The following SERHL2 variants were observed in gnomAD, a reference collection of about 807,000 sequenced individuals.
The protein encoded by SERHL2 is serine hydrolase-like protein 2.
SERHL2 carries 29 observed loss-of-function variants against 25.5 expected under a neutral mutation model. The observed-to-expected ratio is 1.14, with a 90% CI of 0.85 to 1.55. The LOEUF (loss-of-function observed/expected upper bound fraction) is 1.55. SERHL2 is among the 40% of genes most tolerant of loss of function. The pLI is 0.00. For missense variants in SERHL2, 240 were observed against 252.3 expected, an observed-to-expected ratio of 0.95 and a Z score of 0.33; for synonymous variants, 95 against 103.5, an observed-to-expected ratio of 0.92 and a Z score of 0.50.
Position 42,572,679 on chromosome 22 carries a change from T to G in SERHL2, c.825+150T>G, listed in dbSNP as rs933021185. 236 of 1,415,950 alleles carry G rather than the reference T, an allele frequency of 1.7e-4. 2 individuals carry two copies. Among genetic ancestry groups the G allele is most frequent in the Middle Eastern group, 7.8e-4 (3 of 3,826 alleles). 87.7% of individuals were successfully genotyped at this position (1,415,950 alleles called of 1,614,324 possible). On this transcript the variant is annotated intron_variant, in intron 11 of 11. Transcript: ENST00000327678. Reference sequence around the variant, plus strand: ...GGATCTATCAGGCCTCATGCTCCACTGTGGTCAGTCCCTAGAGGCCTAGGG... The same window carrying G: ...GGATCTATCAGGCCTCATGCTCCACGGTGGTCAGTCCCTAGAGGCCTAGGG...
At chr22:42,566,590 CAT>C (rs1348026910) in intron 9 of SERHL2, among the ~76,000 whole-genome samples, 1 of 151,464 alleles carries the variant, frequency 6.6e-6, no homozygotes, top group African/African-American at 2.4e-5. Flanking sequence ...ATATAGCTAA[CAT>C]AATACTTAAT....
chr22:42,562,050 G>A (rs1175301216), intron 8 of SERHL2, among the ~76,000 whole-genome samples: 2 of 151,768 alleles, frequency 1.3e-5, no homozygotes. Flanking sequence ...AAGAGGGAGG[G>A]CTGAGAAAGA....
At chr22:42,573,615 CATT>C (rs1415156824) in intron 11 of SERHL2, 1 of 303,558 alleles carries the variant, frequency 3.3e-6, no homozygotes, top group East Asian at 8.2e-5. Flanking sequence ...GCCCCCATCT[CATT>C]ATCTTTTCTC....
intron 9 of SERHL2, among the ~76,000 whole-genome samples, chr22:42,566,665 TGAG>T (rs1923435704): frequency 6.6e-6 from 1 of 151,026 alleles, no homozygotes; most frequent in Non-Finnish European, 1.5e-5. Flanking sequence ...TCGATGGAGG[TGAG>T]GAGAGGAGGG....
intron 9 of SERHL2, among the ~76,000 whole-genome samples, chr22:42,568,242 T>C (rs1601851427): frequency 6.6e-6 from 1 of 151,904 alleles, no homozygotes; most frequent in East Asian, 1.9e-4. Context: ...AGGCTGGTCT[T>C]GAATGCCTGG....
In SERHL2 at chr22:42,572,591, C is replaced by T. The variant is rs192274851; in HGVS notation, c.825+62C>T. On this transcript the variant is annotated intron_variant, in intron 11 of 11. Coordinates refer to ENST00000327678, the MANE Select transcript of SERHL2 (RefSeq NM_014509.5). ...GTCGCCCACTCTGGTCCCACCTCACCCATCTCTTCTCATGCACTGGGAAGA... is the reference window on the plus strand; with the variant it reads ...GTCGCCCACTCTGGTCCCACCTCACTCATCTCTTCTCATGCACTGGGAAGA... The T allele has an allele frequency of 6.5e-4, 1,025 of 1,586,212 alleles. 9 individuals carry two copies. In the Middle Eastern group the frequency reaches 8.4e-3, roughly 13 times the overall value.
chr22:42,566,996 G>A (rs1923479439), intron 9 of SERHL2, among the ~76,000 whole-genome samples: 1 of 151,840 alleles, frequency 6.6e-6, no homozygotes, highest in Non-Finnish European at 1.5e-5. Flanking sequence ...AGCTTGGCTA[G>A]GGGAGCCAAG....
chr22:42,567,621 G>A (rs547615356), intron 9 of SERHL2, among the ~76,000 whole-genome samples: 3 of 151,282 alleles, frequency 2.0e-5, no homozygotes, highest in Non-Finnish European at 2.9e-5. Context: ...CCGAGATTGC[G>A]CCACTGCAGT....
chr22:42,566,212 C>T (rs9623626), intron 8 of SERHL2, 92 bp from the exon 9 acceptor site: 1 of 1,307,986 alleles, frequency 7.6e-7, no homozygotes, highest in East Asian at 2.4e-5. Context: ...GCCCTGGCTG[C>T]AAAGGCCTGG....
In SERHL2 at chr22:42,559,593, C is replaced by T. The variant is rs140629511; in HGVS notation, c.534-593C>T. 3.8e-4 allele frequency among the ~76,000 whole-genome samples: 57 copies of T among 151,594 alleles called. No individual in the cohort carries two copies. In the East Asian group the frequency reaches 0.011, roughly 30 times the overall value. ...GGTGGCGGGCGCCTGAATATCTATCCAGAAGAGGCGTTAGACATTCTCTAG... is the reference window on the plus strand; with the variant it reads ...GGTGGCGGGCGCCTGAATATCTATCTAGAAGAGGCGTTAGACATTCTCTAG... On this transcript the variant is annotated intron_variant, in intron 7 of 11. Transcript: ENST00000327678.
intron 8 of SERHL2, 97 bp from the exon 9 acceptor site, chr22:42,566,206 TG>T: frequency 8.1e-7 from 1 of 1,236,806 alleles, no homozygotes; most frequent in Non-Finnish European, 1.2e-6. Context: ...AAATGGGCCC[TG>T]GCTGCAAAGG....
chr22:42,559,061 CCACA>C (rs150843806), intron 7 of SERHL2, among the ~76,000 whole-genome samples: 1 of 67,388 alleles, frequency 1.5e-5, no homozygotes, highest in Admixed American at 1.6e-4. Context: ...GCACACACAC[CCACA>C]CACACACACC....
intron 7 of SERHL2, among the ~76,000 whole-genome samples, chr22:42,559,254 AAATT>A (rs1212954948): frequency 6.8e-6 from 1 of 146,792 alleles, no homozygotes; most frequent in Non-Finnish European, 1.5e-5. Context: ...AAAAAAAAAA[AAATT>A]AGCTGGTCGT....
intron 9 of SERHL2, among the ~76,000 whole-genome samples, chr22:42,568,509 G>A (rs1484467013): frequency 6.6e-6 from 1 of 151,980 alleles, no homozygotes; most frequent in Non-Finnish European, 1.5e-5. Flanking sequence ...CATGTCTTAT[G>A]TGACCTGTTC....
chr22:42,572,394 T>G, intron 10 of SERHL2, 42 bp from the exon 11 acceptor site: 1 of 1,497,158 alleles, frequency 6.7e-7, no homozygotes, highest in Non-Finnish European at 9.3e-7. Context: ...GGGAGGCGGT[T>G]CTAAGATGAA....
At chr22:42,573,486 G>A (rs557562744) in intron 11 of SERHL2, 42 of 163,088 alleles carry the variant, frequency 2.6e-4, no homozygotes, top group East Asian at 7.3e-4. Context: ...CTCGTGATCC[G>A]CCCACCTTGG....
chr22:42,554,119 G>T, intron 1 of SERHL2, 77 bp downstream of exon 1: 1 of 1,543,544 alleles, frequency 6.5e-7, no homozygotes, highest in Non-Finnish European at 8.9e-7. Flanking sequence ...GCGGGATGGA[G>T]TGGAGGGTTC....
At chr22:42,571,850 C>CT (rs1924246118) in intron 10 of SERHL2, 1 of 149,746 alleles carries the variant, frequency 6.7e-6, no homozygotes, top group South Asian at 2.1e-4. Flanking sequence ...TGTATGGCTG[C>CT]ATTCACGTTC....
intron 9 of SERHL2, among the ~76,000 whole-genome samples, chr22:42,570,166 A>T (rs1177032431): frequency 1.3e-5 from 2 of 152,010 alleles, no homozygotes. Flanking sequence ...TCACACCTGT[A>T]ATCCCAGAAC....
Sources: gnomAD v4.1 joint callset for allele counts (sites outside exome capture counted in the v4.1 genomes callset) on GRCh38, gnomAD v4.1.1 for gene constraint, MANE v1.5 for transcripts, NCBI Gene and HGNC (gene_info 2026-07-23, HGNC 2026-07-21) for gene names.